The following DPH6 variants were observed in gnomAD, a reference collection of about 807,000 sequenced individuals.
The protein encoded by DPH6 is diphthine--ammonia ligase.
A neutral mutation model predicts 38.2 loss-of-function variants in DPH6; 33 were observed. The observed-to-expected ratio is 0.86, with a 90% CI of 0.65 to 1.15. The LOEUF (loss-of-function observed/expected upper bound fraction) is 1.15, where lower values mean the gene tolerates loss of function less well. Among genes scored for constraint, DPH6 ranks in the 50% most tolerant of loss-of-function variants. DPH6 has a pLI of 0.00. For missense variants in DPH6, 325 were observed against 320.0 expected (o/e 1.02, Z -0.12); for synonymous variants, 108 against 103.0 (o/e 1.05, Z -0.30).
In DPH6 at chr15:35,229,209, G is replaced by C. The variant is rs574397234; in HGVS notation, n.201-8627C>G. Among the ~76,000 whole-genome samples the C allele has an allele frequency of 5.9e-5, 9 of 151,930 alleles. 1 individual carries two copies. The East Asian group carries it at 1.5e-3, about 26-fold the overall frequency. On this transcript the variant is annotated intron_variant and non_coding_transcript_variant, in intron 3 of 3. Coordinates refer to the DPH6 transcript ENST00000560386. ...TTTGCTGTTTTGAGGCTATTTTCTC[G>C]ATCTTGTAGGTTTGCTTCATTGTTT...
chr15:35,209,680 TCTTAA>T, the DPH6 span, among the ~76,000 whole-genome samples: 1 of 152,230 alleles, frequency 6.6e-6, no homozygotes, highest in Admixed American at 6.5e-5. Flanking sequence ...TGTACAGAAC[TCTTAA>T]CTTATTGCAT....
chr15:35,304,033 G>C (rs2052071783), intron 3 of DPH6, among the ~76,000 whole-genome samples: 1 of 151,910 alleles, frequency 6.6e-6, no homozygotes, highest in African/African-American at 2.4e-5. Context: ...TAAAAATCTA[G>C]TTTTCTGATT....
chr15:35,445,686 C>G (rs569802129), intron 5 of DPH6, among the ~76,000 whole-genome samples: 3 of 152,054 alleles, frequency 2.0e-5, no homozygotes, highest in Non-Finnish European at 2.9e-5. Flanking sequence ...TGAAATTTAT[C>G]AAAACACGCA....
chr15:35,242,362 GC>G (rs2051606535), intron 3 of DPH6, among the ~76,000 whole-genome samples: 1 of 142,430 alleles, frequency 7.0e-6, no homozygotes, highest in African/African-American at 2.6e-5. Context: ...GCACCCTATA[GC>G]CTTTCTGTCC....
chr15:35,233,251 G>C (rs2051530614), intron 3 of DPH6, among the ~76,000 whole-genome samples: 1 of 152,160 alleles, frequency 6.6e-6, no homozygotes, highest in African/African-American at 2.4e-5. Flanking sequence ...GGAGATTTCA[G>C]TGAGCCAAGA....
chr15:35,265,399 G>A (rs952345130), intron 3 of DPH6, among the ~76,000 whole-genome samples: 1 of 152,146 alleles, frequency 6.6e-6, no homozygotes, highest in Middle Eastern at 3.2e-3. Context: ...TATTCCACAT[G>A]ATGTCTAAGT....
chr15:35,213,653 ATATT>A (rs1433584560), downstream of DPH6, among the ~76,000 whole-genome samples: 1 of 152,138 alleles, frequency 6.6e-6, no homozygotes, highest in Non-Finnish European at 1.5e-5. Flanking sequence ...TTGAGACTTA[ATATT>A]TCTTGGCCTT....
the DPH6 span, among the ~76,000 whole-genome samples, chr15:35,167,773 C>T: frequency 6.6e-6 from 1 of 152,142 alleles, no homozygotes; most frequent in South Asian, 2.1e-4. Flanking sequence ...CCTAAGAAGT[C>T]AACTTTCTCG....
At chr15:35,391,536 C>A (rs1490217041) in intron 6 of DPH6, among the ~76,000 whole-genome samples, 1 of 152,198 alleles carries the variant, frequency 6.6e-6, no homozygotes, top group Non-Finnish European at 1.5e-5. Flanking sequence ...CAAGCCTGAG[C>A]AATGGTGGGC....
chr15:35,208,522 AC>A, the DPH6 span, among the ~76,000 whole-genome samples: 1 of 152,182 alleles, frequency 6.6e-6, no homozygotes, highest in Non-Finnish European at 1.5e-5. Flanking sequence ...AAACCAGGGT[AC>A]TAACTCCAAA....
the DPH6 span, among the ~76,000 whole-genome samples, chr15:35,168,374 T>C: frequency 6.6e-6 from 1 of 152,056 alleles, no homozygotes; most frequent in South Asian, 2.1e-4. Context: ...AGTGCTGCTA[T>C]ATGAACTTTC....
the DPH6 span, among the ~76,000 whole-genome samples, chr15:35,146,464 C>T: frequency 1.3e-5 from 2 of 152,148 alleles, no homozygotes; most frequent in Non-Finnish European, 1.5e-5. Context: ...CATAGTCATA[C>T]ATCTAAACAT....
chr15:35,401,738 C>A, intron 6 of DPH6: 1 of 713,004 alleles, frequency 1.4e-6, no homozygotes, highest in Non-Finnish European at 2.6e-6. Context: ...CCAGTAGCAG[C>A]GGTAGCTACG....
chr15:35,461,014 T>C (rs1025875858), intron 3 of DPH6, among the ~76,000 whole-genome samples: 3 of 151,030 alleles, frequency 2.0e-5, no homozygotes, highest in African/African-American at 4.9e-5. Context: ...AATATATCAA[T>C]ACAATGTTTA....
At chr15:35,392,859 G>T (rs189036486) in intron 6 of DPH6, among the ~76,000 whole-genome samples, 82 of 152,230 alleles carry the variant, frequency 5.4e-4, no homozygotes, top group African/African-American at 1.9e-3. Flanking sequence ...AAGAGAGAAG[G>T]AACGAGTATT....
intron 3 of DPH6, among the ~76,000 whole-genome samples, chr15:35,537,217 C>T (rs2055182851): frequency 6.6e-6 from 1 of 152,024 alleles, no homozygotes; most frequent in African/African-American, 2.4e-5. Flanking sequence ...AGAAAATTTT[C>T]ATGACAGAAG....
chr15:35,422,582 C>T (rs1464687237), intron 5 of DPH6, among the ~76,000 whole-genome samples: 2 of 151,930 alleles, frequency 1.3e-5, no homozygotes, highest in Admixed American at 1.3e-4. Context: ...TGTGAGAACA[C>T]TTAAGATCTA....
At chr15:35,394,590 T>G (rs2053105641) in intron 6 of DPH6, among the ~76,000 whole-genome samples, 1 of 152,232 alleles carries the variant, frequency 6.6e-6, no homozygotes. Flanking sequence ...CATTGCATCA[T>G]CAGTTAAAAG....
chr15:35,303,303 T>C (rs1039402477), intron 3 of DPH6, among the ~76,000 whole-genome samples: 1 of 151,834 alleles, frequency 6.6e-6, no homozygotes, highest in African/African-American at 2.4e-5. Flanking sequence ...ATGAAAGTAA[T>C]ACAATTTATT....
Sources: gnomAD v4.1 joint callset for allele counts (sites outside exome capture counted in the v4.1 genomes callset) on GRCh38, gnomAD v4.1.1 for gene constraint, MANE v1.5 for transcripts, NCBI Gene and HGNC (gene_info 2026-07-23, HGNC 2026-07-21) for gene names.